The following IREB2 variants were observed in gnomAD, a reference collection of about 807,000 sequenced individuals.
The protein encoded by IREB2 is iron responsive element binding protein 2, also known as iron-responsive element-binding protein 2.
In IREB2, 39 loss-of-function variants were observed where a neutral mutation model predicts 118.8. The ratio of observed to expected loss-of-function variants is 0.33; its 90% CI spans 0.25 to 0.43. IREB2 has a LOEUF of 0.43. Among genes scored for constraint, IREB2 ranks in the 20% least tolerant of loss-of-function variants. The pLI, the probability that IREB2 is intolerant of heterozygous loss-of-function variation, is 1.00. For missense variants in IREB2, 900 were observed against 1,147.3 expected, an observed-to-expected ratio of 0.78 and a Z score of 3.11; for synonymous variants, 372 against 392.2, an observed-to-expected ratio of 0.95 and a Z score of 0.61.
intron 4 of IREB2, among the ~76,000 whole-genome samples, chr15:78,465,615 G>A (rs991566708): frequency 1.3e-5 from 2 of 152,062 alleles, no homozygotes; most frequent in Non-Finnish European, 2.9e-5. Context: ...ATAAGCCTAG[G>A]ACCTGCTTTT....
chr15:78,443,416 A>C (rs1403728296), intron 2 of IREB2, among the ~76,000 whole-genome samples: 2 of 152,118 alleles, frequency 1.3e-5, no homozygotes, highest in East Asian at 3.9e-4. Context: ...TGCGTTACCA[A>C]CCTGATGCCT....
intron 8 of IREB2, 71 bp from the exon 9 acceptor site, chr15:78,476,117 T>C (rs1004653450): frequency 6.8e-6 from 8 of 1,181,100 alleles, no homozygotes; most frequent in African/African-American, 1.5e-5. Context: ...TTTTATTTTA[T>C]AGTTTTCAGA....
rs8032410 is a variant in IREB2 at position 78,490,631 on chromosome 15, A to G, written c.2194A>G (p.Ile732Val). 4.6e-4 allele frequency: 737 copies of G among 1,614,080 alleles called. 1 individual carries two copies. In the African/African-American group the frequency reaches 7.3e-3, roughly 16 times the overall value. The stretch of plus-strand genomic sequence containing the variant: ...TTTTACCTTCTAGACCAAAGAGCCA[A>G]TTGCACTCCAGGCTATTGAAAATGC... Reference protein sequence around the residue: ...SFFDKLTKEPIALQAIENAHV... With the variant: ...SFFDKLTKEPVALQAIENAHV... Residue 732 changes from isoleucine to valine, a missense_variant, in exon 18 of 22, where the codon ATT becomes GTT. By Grantham distance (29) the Ile-to-Val change is conservative. Transcript: ENST00000258886.
At chr15:78,486,213 T>C (rs899759358) in intron 13 of IREB2, among the ~76,000 whole-genome samples, 1 of 152,264 alleles carries the variant, frequency 6.6e-6, no homozygotes, top group Non-Finnish European at 1.5e-5. Context: ...TCTTATAGTT[T>C]GCATTTATTA....
At chr15:78,449,121 T>G (rs1189112669) in intron 2 of IREB2, among the ~76,000 whole-genome samples, 4 of 152,206 alleles carry the variant, frequency 2.6e-5, no homozygotes, top group Non-Finnish European at 5.9e-5. Flanking sequence ...GTGAGGAAAC[T>G]TAGTCTTAAA....
chr15:78,470,689 C>CTTTTT (rs67871183), intron 6 of IREB2, 88 bp downstream of exon 6: 8 of 209,970 alleles, frequency 3.8e-5, no homozygotes, highest in Admixed American at 1.6e-4. Flanking sequence ...TTTTCTTTTC[C>CTTTTT]TTTTTTTTTT....
chr15:78,495,599 C>T (rs1025607485), intron 20 of IREB2, among the ~76,000 whole-genome samples: 1 of 152,106 alleles, frequency 6.6e-6, no homozygotes, highest in Non-Finnish European at 1.5e-5. Context: ...TCTACTTAGT[C>T]CCCTGTTTTC....
chr15:78,465,475 T>A lies in IREB2; in HGVS notation c.410+87T>A, dbSNP rs1204710250. On this transcript the variant is annotated intron_variant, in intron 4 of 21. Coordinates refer to ENST00000258886, the MANE Select transcript of IREB2 (RefSeq NM_004136.4). The stretch of plus-strand genomic sequence containing the variant: ...TAGAGGAAAAGGAATAGAGATAATT[T>A]ATGGCAGAGAAAAGTATGCTAAATT... The A allele has an allele frequency of 2.4e-6, 3 of 1,242,770 alleles. No homozygotes were observed. In the Admixed American group the frequency reaches 7.2e-5, roughly 30 times the overall value. 77.0% of individuals were successfully genotyped at this position (1,242,770 alleles called of 1,614,324 possible).
rs139092247 is a variant in IREB2, at chr15:78,490,677, G to A, written c.2240G>A (p.Gly747Glu). ...AATGCCCATGTCTTATTATATTTGG[G>A]AGACTCTGTCACAACAGATCATATA... is the stretch of plus-strand genomic sequence containing the variant. ...IENAHVLLYL[G>E]DSVTTDHISP... The change falls in exon 18 of 22, where the codon GGA becomes GAA. Residue 747 changes from glycine to glutamate, a missense_variant. By Grantham distance (98) the Gly-to-Glu change is moderately conservative. Transcript: ENST00000258886. 3,862 of 1,614,018 alleles carry A rather than the reference G, an allele frequency of 2.4e-3. 12 individuals carry two copies. Among genetic ancestry groups the A allele is most frequent in the Middle Eastern group, 8.9e-3 (54 of 6,060 alleles).
At chr15:78,486,148 A>T (rs2051655887) in intron 13 of IREB2, among the ~76,000 whole-genome samples, 1 of 152,224 alleles carries the variant, frequency 6.6e-6, no homozygotes, top group Non-Finnish European at 1.5e-5. Context: ...AAGAAACGAT[A>T]CCAAGTATGC....
intron 11 of IREB2, 128 bp from the exon 12 acceptor site, chr15:78,484,633 C>CA: frequency 1.6e-6 from 1 of 636,866 alleles, no homozygotes; most frequent in East Asian, 2.7e-5. Flanking sequence ...GGGCCTTTAG[C>CA]ATCACTCACA....
upstream of IREB2, chr15:78,437,695 G>C (rs1199408519): frequency 6.5e-6 from 1 of 152,742 alleles, no homozygotes; most frequent in African/African-American, 2.4e-5. Flanking sequence ...CTGGGAAGAA[G>C]TCGGCAATCA....
chr15:78,444,599 G>C (rs905189653), intron 2 of IREB2, among the ~76,000 whole-genome samples: 5 of 152,084 alleles, frequency 3.3e-5, no homozygotes, highest in Admixed American at 6.6e-5. Context: ...AGAAAATCCT[G>C]TATTTAATTT....
chr15:78,452,990 T>C (rs1251790605), intron 2 of IREB2, among the ~76,000 whole-genome samples: 1 of 152,170 alleles, frequency 6.6e-6, no homozygotes, highest in African/African-American at 2.4e-5. Context: ...CACACACAGG[T>C]GTTGTGTTAC....
intron 12 of IREB2, 32 bp from the exon 13 acceptor site, chr15:78,485,673 C>A: frequency 1.9e-6 from 3 of 1,602,910 alleles, no homozygotes; most frequent in Non-Finnish European, 2.6e-6. Flanking sequence ...AGAAACATTG[C>A]CATAATAAAT....
At chr15:78,473,569 G>T (rs929878015) in intron 8 of IREB2, 188 bp downstream of exon 8, 4 of 556,682 alleles carry the variant, frequency 7.2e-6, no homozygotes, top group African/African-American at 5.7e-5. Context: ...TAAATACAAA[G>T]AAATTTGTTG....
At chr15:78,495,279 A>G (rs555694002) in intron 20 of IREB2, among the ~76,000 whole-genome samples, 1 of 152,224 alleles carries the variant, frequency 6.6e-6, no homozygotes, top group Non-Finnish European at 1.5e-5. Flanking sequence ...GATACTAATT[A>G]TAAGTATTAT....
At position 78,488,784 on chromosome 15, in the gene IREB2, T is replaced by C. The variant is rs191093553; in HGVS notation, c.2076+13T>C. 338 of 1,408,500 alleles carry C rather than the reference T, an allele frequency of 2.4e-4. No individual in the cohort carries two copies. In the African/African-American group the frequency reaches 2.7e-3, roughly 11 times the overall value. The allele number at this position is 1,408,500 out of a possible 1,614,324, so 87.3% of individuals were successfully genotyped here. A position where few individuals can be genotyped will look rare whatever the true frequency, so the allele number is the denominator to read the frequency against. On this transcript the variant is annotated intron_variant, in intron 16 of 21. Transcript: ENST00000258886. Reference sequence around the variant, plus strand: ...AGATAAAATAGAAGTAAGAGTCTTATGTGTTTCTTAAATAGTTTAATCAAT... The same window carrying C: ...AGATAAAATAGAAGTAAGAGTCTTACGTGTTTCTTAAATAGTTTAATCAAT...
chr15:78,439,310 A>G (rs1317949080), intron 1 of IREB2, among the ~76,000 whole-genome samples: 1 of 152,088 alleles, frequency 6.6e-6, no homozygotes, highest in East Asian at 1.9e-4. Context: ...ATGCTCTGTA[A>G]AAATCCGTCT....
Sources: allele counts gnomAD v4.1 joint callset (sites outside exome capture counted in the v4.1 genomes callset), GRCh38; gene constraint gnomAD v4.1.1; transcripts MANE v1.5; gene names NCBI Gene and HGNC (gene_info 2026-07-23, HGNC 2026-07-21).